PTPRM: variants seen among roughly 807,000 people sequenced by gnomAD.
PTPRM encodes the protein receptor-type tyrosine-protein phosphatase mu.
A neutral mutation model predicts 186.7 loss-of-function variants in PTPRM; 47 were observed. That is an observed-to-expected ratio of 0.25 (90% confidence interval 0.20 to 0.32). The LOEUF (loss-of-function observed/expected upper bound fraction) is 0.32, where lower values mean the gene tolerates loss of function less well. PTPRM is among the 10% of genes least tolerant of loss of function. The probability of loss-of-function intolerance (pLI) is 1.00; values close to 1 mark genes in which losing one functional copy is unlikely to be tolerated. For missense variants in PTPRM, 1,494 were observed against 1,865.0 expected (o/e 0.80, Z 3.66); for synonymous variants, 668 against 674.9 (o/e 0.99, Z 0.16).
intron 14 of PTPRM, among the ~76,000 whole-genome samples, chr18:8,208,477 G>A (rs972352679): frequency 2.0e-5 from 3 of 151,698 alleles, no homozygotes; most frequent in African/African-American, 2.4e-5. Flanking sequence ...GATAAGGAGT[G>A]GGGTAAGTGA....
At chr18:7,660,159 A>G (rs546751320) in intron 1 of PTPRM, among the ~76,000 whole-genome samples, 1 of 152,238 alleles carries the variant, frequency 6.6e-6, no homozygotes, top group East Asian at 1.9e-4. Flanking sequence ...CAACATGACA[A>G]AAGCCCATCT....
intron 1 of PTPRM, among the ~76,000 whole-genome samples, chr18:7,740,329 G>A (rs2040861722): frequency 2.0e-5 from 3 of 152,162 alleles, no homozygotes; most frequent in Non-Finnish European, 4.4e-5. Context: ...GAGTTTATTG[G>A]GGCCAAGTTT....
intron 23 of PTPRM, among the ~76,000 whole-genome samples, chr18:8,361,657 A>G (rs568768652): frequency 8.5e-5 from 13 of 152,330 alleles, no homozygotes; most frequent in African/African-American, 3.1e-4. Context: ...AGATAACTGT[A>G]GGACTCAGAA....
chr18:8,265,919 T>C (rs766956782), intron 19 of PTPRM, among the ~76,000 whole-genome samples: 4 of 152,150 alleles, frequency 2.6e-5, no homozygotes, highest in Non-Finnish European at 5.9e-5. Context: ...GGATGGAATG[T>C]TTTTCAGTGG....
intron 14 of PTPRM, among the ~76,000 whole-genome samples, chr18:8,215,504 A>C: frequency 6.7e-6 from 1 of 149,438 alleles, no homozygotes; most frequent in Non-Finnish European, 1.5e-5. Context: ...TTCTTTCCTT[A>C]AGTCCTACCT....
chr18:8,378,512 C>T, intron 27 of PTPRM, 98 bp downstream of exon 27: 1 of 1,451,274 alleles, frequency 6.9e-7, no homozygotes, highest in Non-Finnish European at 9.4e-7. Context: ...CACAAGGTTC[C>T]TTGGCCTCCA....
intron 1 of PTPRM, among the ~76,000 whole-genome samples, chr18:7,754,103 G>T (rs1052887549): frequency 3.3e-5 from 5 of 152,146 alleles, no homozygotes; most frequent in Admixed American, 6.5e-5. Flanking sequence ...AAATGCTTTA[G>T]AACTTCTTGT....
rs190278677 is a variant in PTPRM at position 7,925,914 on chromosome 18, T to C, written c.548-654T>C. 5.6e-4 allele frequency among the ~76,000 whole-genome samples: 86 copies of C among 152,334 alleles called. 1 individual carries two copies. Among genetic ancestry groups the C allele is most frequent in the African/African-American group, 1.9e-3 (78 of 41,584 alleles). On this transcript the variant is annotated intron_variant, in intron 4 of 32. Transcript: ENST00000580170. ...AAACAGCTGTCCCATATGGACAATG[T>C]ACATTACGAGACAATGGTGTTCACC...
At chr18:7,915,314 G>A (rs1189725193) in intron 4 of PTPRM, among the ~76,000 whole-genome samples, 1 of 152,070 alleles carries the variant, frequency 6.6e-6, no homozygotes, top group East Asian at 1.9e-4. Flanking sequence ...ATTTTGAAAG[G>A]GTATCCAGGA....
intron 1 of PTPRM, among the ~76,000 whole-genome samples, chr18:7,758,298 C>G (rs940573130): frequency 1.3e-5 from 2 of 152,176 alleles, no homozygotes; most frequent in African/African-American, 4.8e-5. Context: ...AACCACTGAG[C>G]TAAGACAAAA....
intron 11 of PTPRM, among the ~76,000 whole-genome samples, chr18:8,104,179 A>C (rs1013185963): frequency 7.9e-5 from 12 of 152,228 alleles, no homozygotes; most frequent in Non-Finnish European, 1.5e-4. Context: ...GCACTGACAG[A>C]CTTGCTGAAG....
At chr18:7,638,868 A>G (rs771211869) in intron 1 of PTPRM, among the ~76,000 whole-genome samples, 1 of 152,198 alleles carries the variant, frequency 6.6e-6, no homozygotes, top group Non-Finnish European at 1.5e-5. Context: ...GGTGCAGGAC[A>G]TATTTCATTA....
chr18:7,639,233 C>T (rs1289964292), intron 1 of PTPRM, among the ~76,000 whole-genome samples: 1 of 152,168 alleles, frequency 6.6e-6, no homozygotes, highest in Admixed American at 6.5e-5. Flanking sequence ...TGCCACCACA[C>T]CTGGCTAACT....
intron 14 of PTPRM, among the ~76,000 whole-genome samples, chr18:8,228,205 T>G (rs2094239188): frequency 6.6e-6 from 1 of 152,056 alleles, no homozygotes; most frequent in South Asian, 2.1e-4. Context: ...CACTGTGTGT[T>G]CAGAGGAGCC....
intron 1 of PTPRM, among the ~76,000 whole-genome samples, chr18:7,729,224 G>A (rs2040608352): frequency 7.9e-5 from 12 of 152,108 alleles, no homozygotes; most frequent in Admixed American, 7.9e-4. Flanking sequence ...ACTTTTTATG[G>A]GAGGTGTTCC....
At chr18:8,179,949 G>A (rs1306223981) in intron 14 of PTPRM, among the ~76,000 whole-genome samples, 2 of 152,172 alleles carry the variant, frequency 1.3e-5, no homozygotes, top group Non-Finnish European at 1.5e-5. Flanking sequence ...GTGATGGTTT[G>A]TACTACATGT....
In PTPRM at chr18:8,046,550, G is replaced by C. The variant is rs190631987; in HGVS notation, c.1133-23136G>C. The stretch of plus-strand genomic sequence containing the variant: ...CAGTTCCCAACTTGCAGCAGGGGAG[G>C]GAGGGAGCGGTCAGGGACGAAGTAT... On this transcript the variant is annotated intron_variant, in intron 7 of 32. Coordinates refer to ENST00000580170, the MANE Select transcript of PTPRM (RefSeq NM_001105244.2). Among the ~76,000 whole-genome samples the C allele has an allele frequency of 1.9e-4, 29 of 152,274 alleles. No homozygotes were observed. In the East Asian group the frequency reaches 4.8e-3, roughly 25 times the overall value.
chr18:7,623,071 C>A (rs2037978730), intron 1 of PTPRM, among the ~76,000 whole-genome samples: 1 of 152,040 alleles, frequency 6.6e-6, no homozygotes, highest in Non-Finnish European at 1.5e-5. Flanking sequence ...TTTATAAATT[C>A]TCAGCATGTT....
chr18:8,012,990 G>A (rs1443765883), intron 7 of PTPRM, among the ~76,000 whole-genome samples: 5 of 151,970 alleles, frequency 3.3e-5, no homozygotes, highest in Non-Finnish European at 1.5e-5. Flanking sequence ...GGTAGCAAAA[G>A]GCCATTTGCT....
Sources: gnomAD v4.1 joint callset for allele counts (sites outside exome capture counted in the v4.1 genomes callset) on GRCh38, gnomAD v4.1.1 for gene constraint, MANE v1.5 for transcripts, NCBI Gene and HGNC (gene_info 2026-07-23, HGNC 2026-07-21) for gene names.